The following ZNF727 variants were observed in gnomAD, a reference collection of about 807,000 sequenced individuals.
ZNF727 encodes putative zinc finger protein 727.
ZNF727 carries 11 observed loss-of-function variants against 11.5 expected under a neutral mutation model. The observed-to-expected ratio is 0.95, with a 90% CI of 0.60 to 1.58. The LOEUF (loss-of-function observed/expected upper bound fraction) is 1.58, where lower values mean the gene tolerates loss of function less well. Ranked by LOEUF, ZNF727 falls within the 40% of genes most tolerant of loss-of-function variation. The pLI is 0.00. For synonymous variants in ZNF727, 171 were observed against 196.1 expected (o/e 0.87, Z 1.07); for missense variants, 533 against 581.7 (o/e 0.92, Z 0.86).
At chr7:64,068,768 A>G (rs1194171688) in intron 1 of ZNF727, 123 bp from the exon 2 acceptor site, 27 of 1,135,004 alleles carry the variant, frequency 2.4e-5, no homozygotes, top group Non-Finnish European at 2.4e-5. Flanking sequence ...GCTAGAAAGT[A>G]TCCTATTGGA....
At chr7:64,046,280 C>G (rs146952576) in intron 1 of ZNF727, among the ~76,000 whole-genome samples, 31 of 152,272 alleles carry the variant, frequency 2.0e-4, no homozygotes, top group Non-Finnish European at 3.2e-4. Context: ...ATCCGCCCCC[C>G]TCGGGCCTCC....
chr7:64,052,378 CTTTTTTT>C (rs56215284), intron 1 of ZNF727, among the ~76,000 whole-genome samples: 19 of 130,370 alleles, frequency 1.5e-4, no homozygotes, highest in Non-Finnish European at 1.6e-4. Context: ...ATTTCTCTCT[CTTTTTTT>C]TTTTTTTTTT....
At chr7:64,053,145 A>G (rs1789628685) in intron 1 of ZNF727, among the ~76,000 whole-genome samples, 1 of 152,136 alleles carries the variant, frequency 6.6e-6, no homozygotes, top group Admixed American at 6.6e-5. Flanking sequence ...TAGGAAGGGT[A>G]CGGGGCAGAA....
intron 1 of ZNF727, among the ~76,000 whole-genome samples, chr7:64,059,007 C>T (rs574935226): frequency 2.7e-4 from 40 of 150,368 alleles, no homozygotes; most frequent in African/African-American, 8.3e-4. Flanking sequence ...TGTAGTGGCA[C>T]GATCTACGCT....
At chr7:64,053,182 C>A (rs2116274914) in intron 1 of ZNF727, among the ~76,000 whole-genome samples, 1 of 152,208 alleles carries the variant, frequency 6.6e-6, no homozygotes, top group South Asian at 2.1e-4. Context: ...TGTCCCCACC[C>A]AAATCTCATC....
intron 1 of ZNF727, among the ~76,000 whole-genome samples, chr7:64,050,902 C>T (rs1584140527): frequency 1.3e-5 from 2 of 151,938 alleles, no homozygotes; most frequent in South Asian, 4.2e-4. Context: ...AGATTTTACC[C>T]ACGTAAATAG....
chr7:64,071,694 GT>G (rs1167979719), intron 3 of ZNF727, among the ~76,000 whole-genome samples: 1 of 152,004 alleles, frequency 6.6e-6, no homozygotes, highest in Non-Finnish European at 1.5e-5. Context: ...TTTAAACTAT[GT>G]TTTCTTTTAA....
At chr7:64,063,917 C>T (rs1293188668) in intron 1 of ZNF727, among the ~76,000 whole-genome samples, 1 of 152,080 alleles carries the variant, frequency 6.6e-6, no homozygotes, top group Non-Finnish European at 1.5e-5. Context: ...CCACCCAGAG[C>T]CCACAGTAAG....
intron 3 of ZNF727, among the ~76,000 whole-genome samples, chr7:64,076,073 T>C (rs1337186742): frequency 1.3e-5 from 1 of 77,840 alleles, no homozygotes; most frequent in Non-Finnish European, 2.8e-5. Flanking sequence ...TAGTTGGCTA[T>C]GTCATTAATT....
rs1435276379 is a variant in ZNF727 at position 64,082,754 on chromosome 7, C to T, written c.*4205C>T. On this transcript the variant is annotated 3_prime_UTR_variant, in exon 4 of 4. Transcript: ENST00000456806. ...AAAATTAGCCAGGTGTGGCGGCATG[C>T]ACCAGTAGTCTCAGCTAATCGGGAG... is the stretch of plus-strand genomic sequence containing the variant. Among the ~76,000 whole-genome samples, 2 of 152,100 alleles carry T rather than the reference C, an allele frequency of 1.3e-5. No individual in the cohort carries two copies. The highest frequency in any genetic ancestry group is 2.9e-5 in the Non-Finnish European group (2 of 68,006).
chr7:64,057,276 A>G (rs545291943), intron 1 of ZNF727, among the ~76,000 whole-genome samples: 31 of 152,212 alleles, frequency 2.0e-4, no homozygotes, highest in Non-Finnish European at 3.1e-4. Context: ...ACAAAAATCT[A>G]TTCACAATGG....
Position 64,045,528 on chromosome 7 carries a change from TC to T in ZNF727, c.-92del. The T allele has an allele frequency of 2.0e-6, 3 of 1,504,820 alleles. No homozygotes were observed. Among genetic ancestry groups the T allele is most frequent in the Non-Finnish European group, 2.7e-6 (3 of 1,104,406 alleles). The allele number at this position is 1,504,820 out of a possible 1,614,324, so 93.2% of individuals were successfully genotyped here. ...ATTCCATCTCTTCCGCTCCATTAGC[TC>T]CTCGGTGACTCCACCATAGCCCCTG... On this transcript the variant is annotated 5_prime_UTR_variant, in exon 1 of 4. Transcript: ENST00000456806.
chr7:64,058,032 C>T (rs959051108), intron 1 of ZNF727, among the ~76,000 whole-genome samples: 4 of 152,096 alleles, frequency 2.6e-5, no homozygotes, highest in East Asian at 3.9e-4. Flanking sequence ...CACAATATGC[C>T]CTGGGTTACT....
intron 1 of ZNF727, among the ~76,000 whole-genome samples, chr7:64,048,275 T>G (rs1266310065): frequency 6.6e-6 from 1 of 152,216 alleles, no homozygotes; most frequent in Admixed American, 6.5e-5. Flanking sequence ...AAAATTCTCA[T>G]TTACCTTTTA....
rs1785773715 is a variant in ZNF727 at position 64,080,826 on chromosome 7, G to T, written c.*2277G>T. Among the ~76,000 whole-genome samples the T allele has an allele frequency of 6.6e-6, 1 of 151,794 alleles. No homozygotes were observed. Among genetic ancestry groups the T allele is most frequent in the Non-Finnish European group, 1.5e-5 (1 of 67,986 alleles). Reference sequence around the variant, plus strand: ...TGATGGTCTTGAGTATTTGATTGTGGTAAAAGGTGGATTCAGCCAACAGGC... The same window carrying T: ...TGATGGTCTTGAGTATTTGATTGTGTTAAAAGGTGGATTCAGCCAACAGGC... On this transcript the variant is annotated 3_prime_UTR_variant, in exon 4 of 4. Transcript: ENST00000456806.
At chr7:64,057,516 A>G (rs1789704180) in intron 1 of ZNF727, among the ~76,000 whole-genome samples, 1 of 152,112 alleles carries the variant, frequency 6.6e-6, no homozygotes, top group Non-Finnish European at 1.5e-5. Context: ...GATGAGTTAC[A>G]TGGACACCTT....
At chr7:64,050,278 A>T (rs1459187693) in intron 1 of ZNF727, among the ~76,000 whole-genome samples, 3 of 152,148 alleles carry the variant, frequency 2.0e-5, no homozygotes, top group Non-Finnish European at 4.4e-5. Flanking sequence ...ACATACATGT[A>T]GACCCAAAAT....
chr7:64,063,441 T>G (rs1789809224), intron 1 of ZNF727, among the ~76,000 whole-genome samples: 1 of 152,140 alleles, frequency 6.6e-6, no homozygotes, highest in African/African-American at 2.4e-5. Context: ...CCAGGCAGAC[T>G]CTTTTTCTAT....
At chr7:64,058,976 G>A (rs117468779) in intron 1 of ZNF727, among the ~76,000 whole-genome samples, 6 of 141,474 alleles carry the variant, frequency 4.2e-5, no homozygotes, top group East Asian at 4.1e-4. Flanking sequence ...ACGGAGTCTC[G>A]ATCAGTTGCC....
Sources: allele counts gnomAD v4.1 joint callset (sites outside exome capture counted in the v4.1 genomes callset), GRCh38; gene constraint gnomAD v4.1.1; transcripts MANE v1.5; gene names NCBI Gene and HGNC (gene_info 2026-07-23, HGNC 2026-07-21).